Variants in EGLN1 observed in about 807,000 individuals in gnomAD.
EGLN1 encodes egl-9 family hypoxia inducible factor 1.
Under a neutral mutation model 38.3 loss-of-function variants are expected in EGLN1, and 17 were observed. The observed-to-expected ratio is 0.44, with a 90% CI of 0.30 to 0.67. EGLN1 has a LOEUF of 0.67. Among genes scored for constraint, EGLN1 ranks in the 30% least tolerant of loss-of-function variants. The pLI, the probability that EGLN1 is intolerant of heterozygous loss-of-function variation, is 0.08. For missense variants in EGLN1, 477 were observed against 603.3 expected, an observed-to-expected ratio of 0.79 and a Z score of 2.19; for synonymous variants, 283 against 257.5, an observed-to-expected ratio of 1.10 and a Z score of -0.95.
intron 2 of EGLN1, among the ~76,000 whole-genome samples, chr1:231,373,074 T>G (rs1279211059): frequency 6.6e-6 from 1 of 152,156 alleles, no homozygotes; most frequent in Non-Finnish European, 1.5e-5. Context: ...TATGACATAT[T>G]TTTTAAAAAT....
Position 231,370,589 on chromosome 1 carries a change from T to C in EGLN1, c.1121A>G (p.His374Arg), listed in dbSNP as rs119476045. The C allele has an allele frequency of 6.2e-7, 1 of 1,614,054 alleles. No homozygotes were observed. The highest frequency in any genetic ancestry group is 8.5e-7 in the Non-Finnish European group (1 of 1,180,030). The change falls in exon 3 of 5, where the codon CAT (histidine) becomes CGT (arginine). Residue 374 changes from histidine to arginine, a missense_variant. Around this residue, in one of 4 missense-constraint regions of EGLN1, gnomAD observed 59 missense variants for 119.0 expected, o/e 0.50. Transcript: ENST00000366641. ...LFFWSDRRNP[H>R]EVQPAYATRY... ...TGTAGCATATGCTGGTTGTACTTCA[T>C]GAGGGTTGCGACGGTCAGACCAGAA...
chr1:231,405,176 A>AGT (rs1688756721), intron 1 of EGLN1, among the ~76,000 whole-genome samples: 1 of 152,050 alleles, frequency 6.6e-6, no homozygotes, highest in Non-Finnish European at 1.5e-5. Context: ...TTTTATTTAT[A>AGT]TTTATTATTT....
At chr1:231,405,004 A>C (rs573125612) in intron 1 of EGLN1, among the ~76,000 whole-genome samples, 1 of 152,306 alleles carries the variant, frequency 6.6e-6, no homozygotes, top group East Asian at 1.9e-4. Context: ...AATTAAAAAT[A>C]AGGTTCTGAC....
intron 1 of EGLN1, among the ~76,000 whole-genome samples, chr1:231,406,624 T>G (rs550753587): frequency 1.4e-3 from 214 of 152,196 alleles, no homozygotes; most frequent in African/African-American, 5.0e-3. Context: ...ACAGAAACCT[T>G]ATTCTACCAT....
rs1287680850 is a variant in EGLN1 at position 231,365,756 on chromosome 1, CAATGTCAAAAA to C, written c.*644_*654del. 1.3e-5 allele frequency: 2 copies of C among 150,112 alleles called. No homozygotes were observed. Among genetic ancestry groups the C allele is most frequent in the Non-Finnish European group, 3.0e-5 (2 of 67,174 alleles). 9.3% of individuals were successfully genotyped at this position (150,112 alleles called of 1,614,324 possible). The stretch of plus-strand genomic sequence containing the variant: ...TTTTACAATTAGGTTTCGTTATTGA[CAATGTCAAAAA>C]AAAAGCAGCAATCTTTAACAGTTCA... On this transcript the variant is annotated 3_prime_UTR_variant, in exon 5 of 5. Coordinates refer to ENST00000366641, the MANE Select transcript of EGLN1 (RefSeq NM_022051.3).
intron 1 of EGLN1, among the ~76,000 whole-genome samples, chr1:231,404,442 C>CA: frequency 6.6e-6 from 1 of 151,930 alleles, no homozygotes; most frequent in East Asian, 1.9e-4. Flanking sequence ...GCAATATCAA[C>CA]AAACTGTAAA....
chr1:231,412,352 C>T (rs374285925), intron 1 of EGLN1, among the ~76,000 whole-genome samples: 3 of 152,278 alleles, frequency 2.0e-5, no homozygotes, highest in African/African-American at 7.2e-5. Context: ...GTTTTATTTT[C>T]AACAGTAGGT....
At position 231,421,072 on chromosome 1, in the gene EGLN1, T is replaced by C. The variant is rs1266390455; in HGVS notation, c.817A>G (p.Met273Val). Residue 273 changes from methionine to valine, a missense_variant, in exon 1 of 5, where the codon ATG (methionine) becomes GTG (valine). Met to Val is a conservative substitution (Grantham distance 21, BLOSUM62 1). Transcript: ENST00000366641. This position sits in a 1 kb window ranked among gnomAD's most constrained non-coding sequence, Gnocchi z 5.5. ...CGTATCAGGTCGTCCATGCTGCTCA[T>C]GAGCAGCCCAATGGTTTCGCAGCCG... ...EPGCETIGLL[M>V]SSMDDLIRHC... 1.9e-6 allele frequency: 3 copies of C among 1,614,176 alleles called. No individual in the cohort carries two copies. The highest frequency in any genetic ancestry group is 1.1e-5 in the South Asian group (1 of 91,088).
intron 1 of EGLN1, among the ~76,000 whole-genome samples, chr1:231,415,260 C>A (rs984899490): frequency 8.0e-5 from 11 of 136,698 alleles, no homozygotes; most frequent in Middle Eastern, 3.6e-3. Flanking sequence ...GCATGTTAGG[C>A]CCTGTCCTTT....
intron 1 of EGLN1, among the ~76,000 whole-genome samples, chr1:231,376,281 G>A (rs143886166): frequency 9.5e-4 from 145 of 152,244 alleles, no homozygotes; most frequent in African/African-American, 3.2e-3. Flanking sequence ...GTCCTGCCCC[G>A]TTTTGCCTGG....
chr1:231,389,332 G>A (rs1318037857), intron 1 of EGLN1, among the ~76,000 whole-genome samples: 1 of 152,158 alleles, frequency 6.6e-6, no homozygotes, highest in Non-Finnish European at 1.5e-5. Flanking sequence ...GGGTAAGACA[G>A]CTTGGCAGAA....
chr1:231,365,332 C>CA lies in EGLN1; in HGVS notation c.*1078dup, dbSNP rs2102887687. ...ATTGTCTACATCTAGAGGATACATA[C>CA]ACCTGAAAGCTTAAGAAAGCCCTTA... On this transcript the variant is annotated 3_prime_UTR_variant, in exon 5 of 5. Transcript: ENST00000366641. 1 of 152,326 alleles carries CA rather than the reference C, an allele frequency of 6.6e-6. No individual in the cohort carries two copies. Among genetic ancestry groups the CA allele is most frequent in the African/African-American group, 2.4e-5 (1 of 41,576 alleles). 9.4% of individuals were successfully genotyped at this position (152,326 alleles called of 1,614,324 possible).
intron 3 of EGLN1, among the ~76,000 whole-genome samples, chr1:231,370,218 T>C (rs1320671290): frequency 6.6e-6 from 1 of 152,132 alleles, no homozygotes; most frequent in Non-Finnish European, 1.5e-5. Flanking sequence ...GATCTTTCTC[T>C]CTCCCAAGTA....
intron 1 of EGLN1, among the ~76,000 whole-genome samples, chr1:231,402,389 G>A (rs1688684977): frequency 6.7e-6 from 1 of 150,186 alleles, no homozygotes; most frequent in Admixed American, 6.6e-5. Context: ...AGGTCACAAG[G>A]ATTTTTCTCT....
intron 1 of EGLN1, 78 bp downstream of exon 1, chr1:231,420,920 C>T (rs1489803340): frequency 1.2e-6 from 2 of 1,612,236 alleles, no homozygotes; most frequent in Non-Finnish European, 1.7e-6. Flanking sequence ...TGCTTCTCAG[C>T]CTAGGCAGTT....
At position 231,374,080 on chromosome 1, in the gene EGLN1, G is replaced by A. The variant is rs1293106237; in HGVS notation, c.911C>T (p.Pro304Leu). Residue 304 changes from proline (P) to leucine (L), a missense_variant, in exon 2 of 5, where the codon CCG (proline) becomes CTG (leucine). This residue lies in a region of EGLN1 where 119 missense variants were observed against 179.0 expected (regional missense o/e 0.66). Transcript: ENST00000366641. ...GRTKAMVACY[P>L]GNGTGYVRHV... ...ACGTACATAACCCGTTCCATTGCCC[G>A]GATAACAAGCAACCATGGCCTGTAA... 1 of 1,613,196 alleles carries A rather than the reference G, an allele frequency of 6.2e-7. No homozygotes were observed. The highest frequency in any genetic ancestry group is 8.5e-7 in the Non-Finnish European group (1 of 1,179,452).
At chr1:231,372,943 G>A (rs1687865590) in intron 2 of EGLN1, among the ~76,000 whole-genome samples, 1 of 152,084 alleles carries the variant, frequency 6.6e-6, no homozygotes, top group East Asian at 1.9e-4. Context: ...GGCTACACAG[G>A]TATGTTCACT....
At chr1:231,412,739 T>A (rs920126161) in intron 1 of EGLN1, among the ~76,000 whole-genome samples, 1 of 152,184 alleles carries the variant, frequency 6.6e-6, no homozygotes, top group African/African-American at 2.4e-5. Flanking sequence ...ATAGAACATA[T>A]AACTTTTTTC....
intron 1 of EGLN1, among the ~76,000 whole-genome samples, chr1:231,404,271 T>C (rs1409520235): frequency 3.9e-5 from 6 of 152,152 alleles, no homozygotes; most frequent in Admixed American, 2.0e-4. Flanking sequence ...ACCAAAGTAA[T>C]TCTACATATT....
Sources: allele counts gnomAD v4.1 joint callset (sites outside exome capture counted in the v4.1 genomes callset), GRCh38; gene constraint gnomAD v4.1.1; regional missense constraint gnomAD v4.1.1; non-coding constraint Gnocchi (gnomAD v3.1); transcripts MANE v1.5; gene names NCBI Gene and HGNC (gene_info 2026-07-23, HGNC 2026-07-21).